CTIF: variants seen among roughly 807,000 people sequenced by gnomAD.
The protein encoded by CTIF is CBP80/20-dependent translation initiation factor.
CTIF carries 21 observed loss-of-function variants against 66.0 expected under a neutral mutation model. The observed-to-expected ratio is 0.32, with a 90% CI of 0.23 to 0.46. The LOEUF is 0.46. CTIF is among the 20% of genes least tolerant of loss of function. CTIF has a pLI of 1.00. For missense variants in CTIF, 739 were observed against 812.7 expected (o/e 0.91, Z 1.10); for synonymous variants, 345 against 326.4 (o/e 1.06, Z -0.62).
chr18:48,663,640 A>G, intron 3 of CTIF, 112 bp from the exon 4 acceptor site: 1 of 932,328 alleles, frequency 1.1e-6, no homozygotes, highest in Non-Finnish European at 1.7e-6. Context: ...ACCAGCCACC[A>G]TACTCACTTG....
intron 1 of CTIF, chr18:48,566,521 G>A (rs1000783469): frequency 1.3e-5 from 2 of 152,296 alleles, no homozygotes; most frequent in East Asian, 1.9e-4. Context: ...AGATTTTCAT[G>A]GCTAAGTCCT....
At chr18:48,808,208 A>G (rs1001652616) in intron 9 of CTIF, among the ~76,000 whole-genome samples, 8 of 152,186 alleles carry the variant, frequency 5.3e-5, no homozygotes, top group African/African-American at 1.7e-4. Context: ...CATTCATTCA[A>G]TTACTACTGA....
chr18:48,722,889 T>C (rs1181963747), intron 7 of CTIF, among the ~76,000 whole-genome samples: 1 of 152,216 alleles, frequency 6.6e-6, no homozygotes, highest in Non-Finnish European at 1.5e-5. Flanking sequence ...AGGGTCTTTT[T>C]CGCTAGACTC....
intron 9 of CTIF, among the ~76,000 whole-genome samples, chr18:48,803,526 C>T (rs1170969504): frequency 6.6e-6 from 1 of 152,172 alleles, no homozygotes; most frequent in East Asian, 1.9e-4. Flanking sequence ...TGTCAGGCAC[C>T]TGTGACAGCC....
intron 6 of CTIF, among the ~76,000 whole-genome samples, chr18:48,708,891 G>A (rs1375165177): frequency 6.6e-6 from 1 of 152,132 alleles, no homozygotes; most frequent in African/African-American, 2.4e-5. Context: ...AAGGCTGGGG[G>A]CTCCATGAGG....
intron 9 of CTIF, among the ~76,000 whole-genome samples, chr18:48,787,474 G>C (rs1211178902): frequency 6.6e-6 from 1 of 152,118 alleles, no homozygotes; most frequent in South Asian, 2.1e-4. Flanking sequence ...CTGCCTGCAG[G>C]TTGCTTTACA....
intron 10 of CTIF, among the ~76,000 whole-genome samples, chr18:48,856,515 C>T (rs926504906): frequency 6.6e-6 from 1 of 152,158 alleles, no homozygotes; most frequent in African/African-American, 2.4e-5. Flanking sequence ...CGCAAAAGTC[C>T]ATTAACAGAT....
intron 1 of CTIF, among the ~76,000 whole-genome samples, chr18:48,571,136 A>G (rs1439736728): frequency 6.6e-6 from 1 of 152,136 alleles, no homozygotes; most frequent in Non-Finnish European, 1.5e-5. Context: ...GTCTTGCCTT[A>G]TGCCCTCCTG....
chr18:48,739,528 G>A (rs17184319), intron 7 of CTIF, among the ~76,000 whole-genome samples: 23,528 of 152,190 alleles, frequency 0.15, 2,165 homozygotes, highest in Non-Finnish European at 0.2. Context: ...GCCTGTGGAC[G>A]AACCTCTCTG....
chr18:48,662,663 G>T (rs548027210), intron 3 of CTIF: 1 of 151,734 alleles, frequency 6.6e-6, no homozygotes, highest in African/African-American at 2.4e-5. Flanking sequence ...CGCTCTCTCT[G>T]TCTCTCTCTG....
intron 10 of CTIF, among the ~76,000 whole-genome samples, chr18:48,846,173 C>T (rs1214361491): frequency 6.6e-6 from 1 of 152,260 alleles, no homozygotes; most frequent in Admixed American, 6.5e-5. Context: ...ACATTCCACC[C>T]CCAGCACCAT....
Position 48,670,734 on chromosome 18 carries a change from C to CA in CTIF, c.498dup (p.Ala167SerfsTer11). Reference sequence around the variant, plus strand: ...CTGAATGACATCGAGAAGGTCCTTCCAGCCTGGCAGGTAGGTGCAGGGGCA... The same window carrying CA: ...CTGAATGACATCGAGAAGGTCCTTCCAAGCCTGGCAGGTAGGTGCAGGGGCA... On this transcript the variant is annotated frameshift_variant, in exon 6 of 12. Coordinates refer to ENST00000256413, the MANE Select transcript of CTIF (RefSeq NM_014772.3). LOFTEE classifies it high-confidence loss of function. 1.2e-6 allele frequency: 2 copies of CA among 1,614,070 alleles called. No homozygotes were observed. Among genetic ancestry groups the CA allele is most frequent in the Non-Finnish European group, 1.7e-6 (2 of 1,179,916 alleles).
At chr18:48,574,641 G>T (rs1369274871) in intron 1 of CTIF, among the ~76,000 whole-genome samples, 1 of 152,142 alleles carries the variant, frequency 6.6e-6, no homozygotes, top group African/African-American at 2.4e-5. Flanking sequence ...TTTATTGAAA[G>T]GTGACTGGCT....
intron 9 of CTIF, among the ~76,000 whole-genome samples, chr18:48,816,977 T>C (rs1202107148): frequency 6.6e-6 from 1 of 152,158 alleles, no homozygotes; most frequent in African/African-American, 2.4e-5. Context: ...GTCTGGGCAA[T>C]GCCTAGAGGC....
At chr18:48,560,206 T>C (rs2089121721) in intron 1 of CTIF, among the ~76,000 whole-genome samples, 1 of 151,852 alleles carries the variant, frequency 6.6e-6, no homozygotes, top group Non-Finnish European at 1.5e-5. Context: ...TTAGGAGGAA[T>C]TTCATAGAAT....
intron 7 of CTIF, among the ~76,000 whole-genome samples, chr18:48,713,490 G>A (rs938818613): frequency 3.9e-5 from 6 of 152,248 alleles, no homozygotes; most frequent in African/African-American, 1.2e-4. Flanking sequence ...AGAGGAGCGC[G>A]GCATGCAACG....
chr18:48,790,421 T>C (rs2067765956), intron 9 of CTIF, among the ~76,000 whole-genome samples: 1 of 152,170 alleles, frequency 6.6e-6, no homozygotes, highest in Non-Finnish European at 1.5e-5. Flanking sequence ...CGAGGGGGCA[T>C]GGGGCTAAGG....
intron 8 of CTIF, among the ~76,000 whole-genome samples, chr18:48,759,751 CA>C (rs1273629358): frequency 5.9e-5 from 9 of 152,216 alleles, no homozygotes; most frequent in Admixed American, 4.6e-4. Flanking sequence ...ATATGCAGAC[CA>C]CTGTTCCTGC....
At chr18:48,847,755 G>A (rs547957289) in intron 10 of CTIF, among the ~76,000 whole-genome samples, 2 of 152,336 alleles carry the variant, frequency 1.3e-5, no homozygotes, top group African/African-American at 4.8e-5. Flanking sequence ...CTCAGGTGAG[G>A]AAGCTGAGAT....
Sources: allele counts gnomAD v4.1 joint callset (sites outside exome capture counted in the v4.1 genomes callset), GRCh38; gene constraint gnomAD v4.1.1; transcripts MANE v1.5; gene names NCBI Gene and HGNC (gene_info 2026-07-23, HGNC 2026-07-21).